MVB12B: variants seen among roughly 807,000 people sequenced by gnomAD.
The protein encoded by MVB12B is multivesicular body subunit 12B, also known as ESCRT-I complex subunit MVB12B.
Under a neutral mutation model 41.6 loss-of-function variants are expected in MVB12B, and 16 were observed. The observed-to-expected ratio is 0.38, with a 90% CI of 0.26 to 0.58. MVB12B has a LOEUF of 0.58. Among genes scored for constraint, MVB12B ranks in the 20% least tolerant of loss-of-function variants. The pLI, the probability that MVB12B is intolerant of heterozygous loss-of-function variation, is 0.62. For synonymous variants in MVB12B, 133 were observed against 139.7 expected, an observed-to-expected ratio of 0.95 and a Z score of 0.34; for missense variants, 274 against 380.2, an observed-to-expected ratio of 0.72 and a Z score of 2.32.
intron 1 of MVB12B, among the ~76,000 whole-genome samples, chr9:126,331,322 T>C (rs1361893192): frequency 3.9e-5 from 6 of 152,174 alleles, no homozygotes; most frequent in African/African-American, 1.2e-4. Context: ...TCGTAATGAG[T>C]ATAAGGTGAG....
chr9:126,422,407 C>T (rs1377772007), intron 7 of MVB12B, among the ~76,000 whole-genome samples: 2 of 152,206 alleles, frequency 1.3e-5, no homozygotes, highest in Admixed American at 6.5e-5. Flanking sequence ...GAGCATGAGT[C>T]TGTGGTTTCT....
At chr9:126,414,293 C>T (rs752499015) in intron 6 of MVB12B, among the ~76,000 whole-genome samples, 7 of 152,172 alleles carry the variant, frequency 4.6e-5, no homozygotes, top group African/African-American at 1.2e-4. Flanking sequence ...GAGCCGTCAT[C>T]GCTGGCAGTG....
chr9:126,332,160 C>T (rs551649125), intron 1 of MVB12B, among the ~76,000 whole-genome samples: 61 of 152,152 alleles, frequency 4.0e-4, no homozygotes, highest in Non-Finnish European at 8.7e-4. Flanking sequence ...GCAAGACTTT[C>T]ACCACTTCAC....
At chr9:126,349,449 A>G (rs904909976) in intron 2 of MVB12B, among the ~76,000 whole-genome samples, 26 of 152,352 alleles carry the variant, frequency 1.7e-4, no homozygotes, top group African/African-American at 4.6e-4. Context: ...TACAATTTCT[A>G]TCACCATAAG....
chr9:126,347,152 G>C (rs572548064), intron 2 of MVB12B, among the ~76,000 whole-genome samples: 24 of 151,876 alleles, frequency 1.6e-4, no homozygotes, highest in Non-Finnish European at 3.2e-4. Flanking sequence ...CAGGAGAGAG[G>C]GGCTGGCTGA....
Position 126,340,129 on chromosome 9 carries a change from G to C in MVB12B, c.82-379G>C, listed in dbSNP as rs2118820640. On this transcript the variant is annotated intron_variant, in intron 1 of 9. Coordinates refer to ENST00000361171, the MANE Select transcript of MVB12B (RefSeq NM_033446.3). The surrounding 1 kb of genome is among the most constrained non-coding windows in gnomAD (Gnocchi z 4.0). ...TAGGAGAGATTGCAAGGGAGAGAGA[G>C]GAAAGGTGTTGTTAAGCTTAGCCGT... Among the ~76,000 whole-genome samples, 1 of 152,254 alleles carries C rather than the reference G, an allele frequency of 6.6e-6. No homozygotes were observed. Among genetic ancestry groups the C allele is most frequent in the Middle Eastern group, 3.4e-3 (1 of 294 alleles).
At chr9:126,410,141 TTGTGTGTGTGTGTGTG>T (rs3222493) in intron 6 of MVB12B, among the ~76,000 whole-genome samples, 2 of 148,472 alleles carry the variant, frequency 1.3e-5, no homozygotes, top group African/African-American at 2.5e-5. Context: ...TGATTTGGTT[TTGTGTGTGTGTGTGTG>T]TGTGTGTGTG....
intron 8 of MVB12B, among the ~76,000 whole-genome samples, chr9:126,482,532 C>T (rs1833544404): frequency 6.6e-6 from 1 of 152,098 alleles, no homozygotes; most frequent in Non-Finnish European, 1.5e-5. Context: ...GACGCTGGCG[C>T]CTCTGCCGCC....
In MVB12B at chr9:126,389,133, G is replaced by A. The variant is rs1830876737; in HGVS notation, c.409+2475G>A. Among the ~76,000 whole-genome samples, 1 of 152,214 alleles carries A rather than the reference G, an allele frequency of 6.6e-6. No homozygotes were observed. Among genetic ancestry groups the A allele is most frequent in the African/African-American group, 2.4e-5 (1 of 41,458 alleles). ...TGTGACTGGGAGTACACAGGTTGCT[G>A]TCCCAAGTGTGGACTCTGAGATCGG... On this transcript the variant is annotated intron_variant, in intron 4 of 9. Coordinates refer to ENST00000361171, the MANE Select transcript of MVB12B (RefSeq NM_033446.3). The surrounding 1 kb of genome is among the most constrained non-coding windows in gnomAD (Gnocchi z 4.4).
At chr9:126,357,086 C>T (rs374328557) in intron 2 of MVB12B, among the ~76,000 whole-genome samples, 17 of 152,334 alleles carry the variant, frequency 1.1e-4, no homozygotes, top group Admixed American at 2.6e-4. Flanking sequence ...CTTTCTGTCA[C>T]TGTAGTCTAG....
intron 2 of MVB12B, among the ~76,000 whole-genome samples, chr9:126,345,578 G>T (rs778096725): frequency 6.6e-6 from 1 of 152,214 alleles, no homozygotes; most frequent in African/African-American, 2.4e-5. Flanking sequence ...GGTTTCAGTG[G>T]CAGGCAAGGA....
At chr9:126,351,758 G>A (rs917232478) in intron 2 of MVB12B, among the ~76,000 whole-genome samples, 7 of 152,100 alleles carry the variant, frequency 4.6e-5, no homozygotes, top group Non-Finnish European at 7.4e-5. Context: ...AAAGTGCTGG[G>A]ATTACAGGCT....
intron 7 of MVB12B, among the ~76,000 whole-genome samples, chr9:126,446,602 A>G (rs1340419748): frequency 6.7e-6 from 1 of 149,924 alleles, no homozygotes; most frequent in Non-Finnish European, 1.5e-5. Context: ...AGTTTCTTTC[A>G]GCATTAGTGA....
In MVB12B at chr9:126,361,715, G is replaced by C. The variant is rs1387663854; in HGVS notation, c.205-19349G>C. Among the ~76,000 whole-genome samples, 5 of 152,034 alleles carry C rather than the reference G, an allele frequency of 3.3e-5. No individual in the cohort carries two copies. In the East Asian group the frequency reaches 9.6e-4, roughly 29 times the overall value. On this transcript the variant is annotated intron_variant, in intron 2 of 9. Transcript: ENST00000361171. ...GTTTTCCTTGGGTATAGAAATCTAA[G>C]TTGGCATTTTCTTTCAGTACTTTAA...
chr9:126,452,298 C>G (rs1381956541), intron 7 of MVB12B, among the ~76,000 whole-genome samples: 1 of 152,234 alleles, frequency 6.6e-6, no homozygotes, highest in Non-Finnish European at 1.5e-5. Context: ...ACTTGCTGGT[C>G]ATTCTACTTG....
chr9:126,376,995 A>C lies in MVB12B; in HGVS notation c.205-4069A>C, dbSNP rs1830498381. On this transcript the variant is annotated intron_variant, in intron 2 of 9. Coordinates refer to ENST00000361171, the MANE Select transcript of MVB12B (RefSeq NM_033446.3). The surrounding 1 kb of genome is among the most constrained non-coding windows in gnomAD (Gnocchi z 4.1). ...GGCTGCCACGGGCCCCTTAGGTCACAACCCGCCCCCTCCCCCACACTTGCT... is the reference window on the plus strand; with the variant it reads ...GGCTGCCACGGGCCCCTTAGGTCACCACCCGCCCCCTCCCCCACACTTGCT... Among the ~76,000 whole-genome samples the C allele has an allele frequency of 1.4e-5, 2 of 146,240 alleles. No homozygotes were observed. Among genetic ancestry groups the C allele is most frequent in the Admixed American group, 6.8e-5 (1 of 14,716 alleles).
At position 126,486,577 on chromosome 9, in the gene MVB12B, C is replaced by T. The variant is rs942105269; in HGVS notation, c.873+2545C>T. 2.0e-5 allele frequency among the ~76,000 whole-genome samples: 3 copies of T among 152,200 alleles called. No homozygotes were observed. Among genetic ancestry groups the T allele is most frequent in the South Asian group, 2.1e-4 (1 of 4,830 alleles). ...GTGCTGGCAGCAGCGGCCTCAGCGT[C>T]GAGCCATCTCCCCTCCCGTTCTGCT... On this transcript the variant is annotated intron_variant, in intron 9 of 9. Coordinates refer to ENST00000361171, the MANE Select transcript of MVB12B (RefSeq NM_033446.3). The surrounding 1 kb of genome is among the most constrained non-coding windows in gnomAD (Gnocchi z 4.7).
At position 126,480,500 on chromosome 9, in the gene MVB12B, C is replaced by T. The variant is rs774616474; in HGVS notation, c.758-869C>T. On this transcript the variant is annotated intron_variant, in intron 7 of 9. Coordinates refer to ENST00000361171, the MANE Select transcript of MVB12B (RefSeq NM_033446.3). This position sits in a 1 kb window ranked among gnomAD's most constrained non-coding sequence, Gnocchi z 4.9. ...AGGCACACCCTGGGTCGTTTCTGTC[C>T]GTGTGCTTTTGAAAGCGATCCCCTG... Among the ~76,000 whole-genome samples the T allele has an allele frequency of 2.6e-5, 4 of 152,168 alleles. No homozygotes were observed. Among genetic ancestry groups the T allele is most frequent in the Non-Finnish European group, 5.9e-5 (4 of 68,024 alleles).
intron 3 of MVB12B, among the ~76,000 whole-genome samples, chr9:126,385,514 G>A (rs1830758080): frequency 6.6e-6 from 1 of 152,186 alleles, no homozygotes; most frequent in African/African-American, 2.4e-5. Flanking sequence ...TGGAACAACA[G>A]CCTGAGAAGT....
Sources: allele counts gnomAD v4.1 joint callset (sites outside exome capture counted in the v4.1 genomes callset), GRCh38; gene constraint gnomAD v4.1.1; non-coding constraint Gnocchi (gnomAD v3.1); transcripts MANE v1.5; gene names NCBI Gene and HGNC (gene_info 2026-07-23, HGNC 2026-07-21).